ARHGEF9: variants seen among roughly 807,000 people sequenced by gnomAD.
The protein encoded by ARHGEF9 is Cdc42 guanine nucleotide exchange factor 9.
A neutral mutation model predicts 41.3 loss-of-function variants in ARHGEF9; 2 were observed. The ratio of observed to expected loss-of-function variants is 0.05; its 90% CI spans 0.02 to 0.15. The LOEUF is 0.15. Ranked by LOEUF, ARHGEF9 falls within the 10% of genes least tolerant of loss-of-function variation. The pLI is 1.00. For synonymous variants in ARHGEF9, 160 were observed against 154.4 expected, an observed-to-expected ratio of 1.04 and a Z score of -0.27; for missense variants, 225 against 424.7, an observed-to-expected ratio of 0.53 and a Z score of 4.13.
intron 1 of ARHGEF9, 129 bp from the exon 2 acceptor site, chrX:63,724,840 G>T: frequency 1.6e-5 from 10 of 623,784 alleles, no homozygotes; most frequent in Non-Finnish European, 2.5e-5. Context: ...GGGTGAGGGG[G>T]ATGGCACTGG....
intron 1 of ARHGEF9, among the ~76,000 whole-genome samples, chrX:63,739,216 A>G (rs1298922719): frequency 9.0e-6 from 1 of 111,617 alleles, no homozygotes; most frequent in Non-Finnish European, 1.9e-5. Flanking sequence ...ACCAAGGTGG[A>G]TTTTGTGCCT....
intron 1 of ARHGEF9, among the ~76,000 whole-genome samples, chrX:63,738,086 GAC>G (rs1337088062): frequency 2.7e-5 from 3 of 111,878 alleles, no homozygotes; most frequent in Non-Finnish European, 5.6e-5. Context: ...CCTGAACCCA[GAC>G]AGTTTCCCTC....
chrX:63,651,068 C>G (rs1556328330), intron 8 of ARHGEF9, among the ~76,000 whole-genome samples: 1 of 110,744 alleles, frequency 9.0e-6, no homozygotes, highest in Non-Finnish European at 1.9e-5. Context: ...GCATACAGAA[C>G]AAGATTTTGA....
At chrX:63,692,830 T>C (rs193192153) in intron 4 of ARHGEF9, among the ~76,000 whole-genome samples, 16 of 112,299 alleles carry the variant, frequency 1.4e-4, no homozygotes, top group African/African-American at 4.5e-4. Flanking sequence ...GATGGATCAA[T>C]GGATGAAGAA....
intron 8 of ARHGEF9, among the ~76,000 whole-genome samples, chrX:63,644,748 C>CTAT (rs1302445866): frequency 3.9e-5 from 4 of 103,073 alleles, no homozygotes; most frequent in African/African-American, 3.9e-5. Context: ...GAATCGCCTT[C>CTAT]TATTATTATT....
intron 1 of ARHGEF9, among the ~76,000 whole-genome samples, chrX:63,733,308 C>A (rs2054425489): frequency 8.9e-6 from 1 of 111,765 alleles, no homozygotes; most frequent in African/African-American, 3.3e-5. Context: ...TCCATTGTTG[C>A]CAGGATTTAT....
At chrX:63,741,971 A>G (rs1218345878) in intron 1 of ARHGEF9, among the ~76,000 whole-genome samples, 1 of 112,416 alleles carries the variant, frequency 8.9e-6, no homozygotes, top group East Asian at 2.8e-4. Flanking sequence ...ACGGGCATAG[A>G]GCATGGATAG....
chrX:63,752,088 C>T (rs1175022429), intron 1 of ARHGEF9, among the ~76,000 whole-genome samples: 1 of 111,855 alleles, frequency 8.9e-6, no homozygotes, highest in Non-Finnish European at 1.9e-5. Context: ...AAAACCCCTT[C>T]GCTTAAACTT....
intron 8 of ARHGEF9, chrX:63,644,369 T>C (rs1379611592): frequency 6.8e-6 from 1 of 146,795 alleles, no homozygotes; most frequent in Non-Finnish European, 1.3e-5. Flanking sequence ...AAATATTTTG[T>C]AACCAAAAGC....
chrX:63,736,593 T>G (rs1556423050), intron 1 of ARHGEF9, among the ~76,000 whole-genome samples: 1 of 111,857 alleles, frequency 8.9e-6, no homozygotes, highest in Non-Finnish European at 1.9e-5. Flanking sequence ...GGCATCAAGT[T>G]AGTTAGCAGC....
chrX:63,703,792 G>GGTTT lies in ARHGEF9; in HGVS notation c.402+2462_402+2465dup, dbSNP rs782459222. ...GGGGCAGAGGCAGTGCAAGGTTACA[G>GGTTT]GTTTCAATAGAATGCTTAGAGAAGT... On this transcript the variant is annotated intron_variant, in intron 3 of 9. Coordinates refer to ENST00000671741, the MANE Select transcript of ARHGEF9 (RefSeq NM_001353921.2). Among the ~76,000 whole-genome samples the GGTTT allele has an allele frequency of 2.7e-5, 3 of 111,746 alleles. No individual in the cohort carries two copies. The Admixed American group carries it at 2.9e-4, about 11-fold the overall frequency.
At chrX:63,761,295 C>T (rs2056029748) in intron 1 of ARHGEF9, among the ~76,000 whole-genome samples, 1 of 112,048 alleles carries the variant, frequency 8.9e-6, no homozygotes, top group Non-Finnish European at 1.9e-5. Context: ...TTACATCTGC[C>T]TAAAATATTA....
chrX:63,694,506 G>A (rs782318601), intron 4 of ARHGEF9, among the ~76,000 whole-genome samples: 13 of 112,475 alleles, frequency 1.2e-4, no homozygotes, highest in Non-Finnish European at 2.3e-4. Context: ...GCAATGGAGT[G>A]CTACTAAGCA....
intron 4 of ARHGEF9, among the ~76,000 whole-genome samples, chrX:63,693,441 C>T (rs1602426801): frequency 9.1e-6 from 1 of 109,607 alleles, no homozygotes. Context: ...GAAACCCCGT[C>T]TCTACTAAAA....
chrX:63,636,365 G>A lies in ARHGEF9; in HGVS notation c.*1663C>T, dbSNP rs1344397234. 1 of 111,715 alleles carries A rather than the reference G, an allele frequency of 9.0e-6. No homozygotes were observed. Among genetic ancestry groups the A allele is most frequent in the Non-Finnish European group, 1.9e-5 (1 of 53,282 alleles). The allele number at this position is 111,715 out of a possible 1,213,427, so 9.2% of individuals were successfully genotyped here. A position where few individuals can be genotyped will look rare whatever the true frequency, so the allele number is the denominator to read the frequency against. On this transcript the variant is annotated 3_prime_UTR_variant, in exon 10 of 10. Coordinates refer to ENST00000671741, the MANE Select transcript of ARHGEF9 (RefSeq NM_001353921.2). Reference sequence around the variant, plus strand: ...TCCATGAAAAGGGCTATGTGTGGAGGAAAAACAGGTACTCCAACATCCATA... The same window carrying A: ...TCCATGAAAAGGGCTATGTGTGGAGAAAAAACAGGTACTCCAACATCCATA...
At chrX:63,756,301 G>T (rs1280521835) in intron 1 of ARHGEF9, among the ~76,000 whole-genome samples, 1 of 111,864 alleles carries the variant, frequency 8.9e-6, no homozygotes, top group Non-Finnish European at 1.9e-5. Flanking sequence ...TATATTATAG[G>T]ATTATATGAC....
chrX:63,644,764 T>A (rs1234769522), intron 8 of ARHGEF9, among the ~76,000 whole-genome samples: 18 of 81,184 alleles, frequency 2.2e-4, no homozygotes, highest in Admixed American at 3.5e-4. Flanking sequence ...TTATTATTAT[T>A]TTTTTTTTTT....
chrX:63,707,371 A>C, intron 2 of ARHGEF9: 1 of 109,214 alleles, frequency 9.2e-6, no homozygotes, highest in South Asian at 4.0e-4. Context: ...AAAAAAAAAA[A>C]AAAAAAAAAA....
chrX:63,668,349 G>C (rs1556351309), intron 6 of ARHGEF9, among the ~76,000 whole-genome samples: 1 of 110,803 alleles, frequency 9.0e-6, no homozygotes, highest in Non-Finnish European at 1.9e-5. Flanking sequence ...TGTTGGCCAG[G>C]CTGGTCTCAA....
Sources: allele counts gnomAD v4.1 joint callset (sites outside exome capture counted in the v4.1 genomes callset), GRCh38; gene constraint gnomAD v4.1.1; transcripts MANE v1.5; gene names NCBI Gene and HGNC (gene_info 2026-07-23, HGNC 2026-07-21).